The following BCL11B variants were observed in gnomAD, a reference collection of about 807,000 sequenced individuals.
BCL11B encodes B-cell lymphoma/leukemia 11B.
BCL11B carries 8 observed loss-of-function variants against 49.9 expected under a neutral mutation model. The observed-to-expected ratio is 0.16, with a 90% CI of 0.09 to 0.29. The LOEUF (loss-of-function observed/expected upper bound fraction) is 0.29. Ranked by LOEUF, BCL11B falls within the 10% of genes least tolerant of loss-of-function variation. The pLI, the probability that BCL11B is intolerant of heterozygous loss-of-function variation, is 1.00. For synonymous variants in BCL11B, 739 were observed against 637.4 expected (o/e 1.16, Z -2.40); for missense variants, 1,006 against 1,351.0 (o/e 0.74, Z 4.00).
At chr14:99,181,239 G>A (rs1886691847) in intron 3 of BCL11B, among the ~76,000 whole-genome samples, 2 of 152,152 alleles carry the variant, frequency 1.3e-5, no homozygotes, top group Non-Finnish European at 2.9e-5. Context: ...CTGAGGTTGG[G>A]GGGCTAAAGT....
rs1286480043 is a variant in BCL11B at position 99,205,227 on chromosome 14, G to A, written c.640+26118C>T. Among the ~76,000 whole-genome samples, 1 of 152,154 alleles carries A rather than the reference G, an allele frequency of 6.6e-6. No individual in the cohort carries two copies. ...CTGTCAAGAGAGAATTCTACAGCTG[G>A]TAGTGATGACGGCTCCATCCTACCC... On this transcript the variant is annotated intron_variant, in intron 3 of 3. Coordinates refer to ENST00000357195, the MANE Select transcript of BCL11B (RefSeq NM_138576.4). This position sits in a 1 kb window ranked among gnomAD's most constrained non-coding sequence, Gnocchi z 5.0.
intron 3 of BCL11B, among the ~76,000 whole-genome samples, chr14:99,196,969 G>T (rs572018443): frequency 6.6e-6 from 1 of 152,196 alleles, no homozygotes; most frequent in Admixed American, 6.5e-5. Context: ...CATTTACCAA[G>T]AACCTTCCAT....
intron 1 of BCL11B, chr14:99,263,167 G>A (rs539713413): frequency 1.3e-5 from 2 of 152,828 alleles, no homozygotes; most frequent in African/African-American, 2.4e-5. Context: ...CCTGACCCTC[G>A]ACCCTCTCAG....
At chr14:99,206,358 A>G (rs1887533488) in intron 3 of BCL11B, among the ~76,000 whole-genome samples, 1 of 152,142 alleles carries the variant, frequency 6.6e-6, no homozygotes, top group Non-Finnish European at 1.5e-5. Context: ...CCGTGGTTTC[A>G]CTTTCTGGGG....
At chr14:99,191,742 G>A (rs1270297290) in intron 3 of BCL11B, among the ~76,000 whole-genome samples, 1 of 151,922 alleles carries the variant, frequency 6.6e-6, no homozygotes, top group African/African-American at 2.4e-5. Flanking sequence ...AATGCTCCGA[G>A]TGACTTCCCT....
At chr14:99,256,305 T>C (rs1889162346) in intron 2 of BCL11B, among the ~76,000 whole-genome samples, 2 of 152,186 alleles carry the variant, frequency 1.3e-5, no homozygotes, top group Admixed American at 6.5e-5. Flanking sequence ...ACGAAACCTC[T>C]GAGAGAGAAG....
At chr14:99,220,661 G>A (rs993870152) in intron 3 of BCL11B, among the ~76,000 whole-genome samples, 1 of 151,994 alleles carries the variant, frequency 6.6e-6, no homozygotes, top group African/African-American at 2.4e-5. Flanking sequence ...CGGTGGTGAT[G>A]GCTGCATAAC....
Position 99,182,843 on chromosome 14 carries a change from C to G in BCL11B, c.641-6648G>C, listed in dbSNP as rs148010797. Among the ~76,000 whole-genome samples the G allele has an allele frequency of 5.8e-3, 888 of 152,338 alleles. 3 individuals are homozygous for G. The highest frequency in any genetic ancestry group is 8.8e-3 in the Non-Finnish European group (602 of 68,030). On this transcript the variant is annotated intron_variant, in intron 3 of 3. Transcript: ENST00000357195. Reference sequence around the variant, plus strand: ...GGCAGTCATTGCCAAATAAAGCATGCCTGCACCTCTTTGCCATTCCTGGAT... The same window carrying G: ...GGCAGTCATTGCCAAATAAAGCATGGCTGCACCTCTTTGCCATTCCTGGAT...
Position 99,194,106 on chromosome 14 carries a change from C to G in BCL11B, c.641-17911G>C, listed in dbSNP as rs1274514753. Among the ~76,000 whole-genome samples the G allele has an allele frequency of 1.3e-5, 2 of 152,180 alleles. No homozygotes were observed. The highest frequency in any genetic ancestry group is 2.9e-5 in the Non-Finnish European group (2 of 68,034). On this transcript the variant is annotated intron_variant, in intron 3 of 3. Coordinates refer to ENST00000357195, the MANE Select transcript of BCL11B (RefSeq NM_138576.4). The surrounding 1 kb of genome is among the most constrained non-coding windows in gnomAD (Gnocchi z 4.6). ...CAAGGAATGGGAATGTCGTGAGAAA[C>G]GTGCATGACCCCACACATGAATTCT...
chr14:99,236,820 T>A (rs925715452), intron 2 of BCL11B, among the ~76,000 whole-genome samples: 6 of 152,254 alleles, frequency 3.9e-5, no homozygotes, highest in Non-Finnish European at 7.3e-5. Flanking sequence ...CTGCTAAGAC[T>A]GCACGCTCAT....
At chr14:99,209,812 A>G (rs1378854343) in intron 3 of BCL11B, among the ~76,000 whole-genome samples, 1 of 151,982 alleles carries the variant, frequency 6.6e-6, no homozygotes, top group Non-Finnish European at 1.5e-5. Context: ...GTGCACCTTG[A>G]CTGCAAAACC....
At chr14:99,239,126 A>G (rs986388153) in intron 2 of BCL11B, among the ~76,000 whole-genome samples, 2 of 152,228 alleles carry the variant, frequency 1.3e-5, no homozygotes, top group Admixed American at 6.5e-5. Context: ...AAATCTCACC[A>G]GCAAAATCAG....
At position 99,174,337 on chromosome 14, in the gene BCL11B, G is replaced by A. The variant is rs749985774; in HGVS notation, c.2499C>T (p.Cys833=). The change falls in exon 4 of 4, where the codon TGC becomes TGT. Residue 833 remains cysteine (C), a synonymous_variant. Transcript: ENST00000357195. ...GGCGCGTGAGCTTGCTGCTCTGCGC[G>A]CACGCGTAGTTGCACAGCTCGCACT... is the stretch of plus-strand genomic sequence containing the variant. ...PYKCELCNYA[C]AQSSKLTRHM... is the part of the protein sequence containing the mutation. The A allele has an allele frequency of 2.1e-5, 34 of 1,613,250 alleles. No individual in the cohort carries two copies. The highest frequency in any genetic ancestry group is 2.3e-5 in the Non-Finnish European group (27 of 1,179,988).
chr14:99,173,039 G>A lies in BCL11B; in HGVS notation c.*1112C>T, dbSNP rs570230171. 1 of 226,318 alleles carries A rather than the reference G, an allele frequency of 4.4e-6. No homozygotes were observed. The highest frequency in any genetic ancestry group is 1.8e-4 in the South Asian group (1 of 5,450). The allele number at this position is 226,318 out of a possible 1,614,324, so 14.0% of individuals were successfully genotyped here. ...GCATTCGTCTGCTTGGGAAATGATG[G>A]ATGACCCCTTGTAGCAACATAGGAT... is the stretch of plus-strand genomic sequence containing the variant. On this transcript the variant is annotated 3_prime_UTR_variant, in exon 4 of 4. Transcript: ENST00000357195.
chr14:99,190,717 T>C (rs1887000093), intron 3 of BCL11B, among the ~76,000 whole-genome samples: 1 of 152,178 alleles, frequency 6.6e-6, no homozygotes. Flanking sequence ...CATTCACCAA[T>C]AAGGCTATCA....
chr14:99,236,972 G>A (rs1228325966), intron 2 of BCL11B, among the ~76,000 whole-genome samples: 1 of 152,106 alleles, frequency 6.6e-6, no homozygotes, highest in East Asian at 1.9e-4. Flanking sequence ...GAAGTGGAGT[G>A]CAACCTTAAA....
At chr14:99,186,981 C>A (rs1484626547) in intron 3 of BCL11B, among the ~76,000 whole-genome samples, 2 of 152,174 alleles carry the variant, frequency 1.3e-5, no homozygotes, top group African/African-American at 4.8e-5. Context: ...GCAAGCCTCA[C>A]ATCTGAATAC....
intron 3 of BCL11B, among the ~76,000 whole-genome samples, chr14:99,196,147 G>A (rs1473427459): frequency 1.4e-4 from 21 of 152,144 alleles, no homozygotes; most frequent in African/African-American, 5.1e-4. Context: ...AATCGAAGGT[G>A]CTTGTTGCAT....
At chr14:99,226,339 G>T (rs569023543) in intron 3 of BCL11B, among the ~76,000 whole-genome samples, 1 of 152,108 alleles carries the variant, frequency 6.6e-6, no homozygotes, top group South Asian at 2.1e-4. Flanking sequence ...GTCCACACAC[G>T]CTCACTCACA....
Sources: gnomAD v4.1 joint callset for allele counts (sites outside exome capture counted in the v4.1 genomes callset) on GRCh38, gnomAD v4.1.1 for gene constraint, Gnocchi (gnomAD v3.1) non-coding constraint, MANE v1.5 for transcripts, NCBI Gene and HGNC (gene_info 2026-07-23, HGNC 2026-07-21) for gene names.